Variants in ATRNL1 observed in about 807,000 individuals in gnomAD.
ATRNL1 encodes the protein attractin like 1, also known as attractin-like protein 1.
Under a neutral mutation model 182.7 loss-of-function variants are expected in ATRNL1, and 95 were observed. The ratio of observed to expected loss-of-function variants is 0.52; its 90% CI spans 0.44 to 0.62. The LOEUF is 0.62. ATRNL1 is among the 20% of genes least tolerant of loss of function. The pLI is 0.00. For synonymous variants in ATRNL1, 576 were observed against 568.3 expected, an observed-to-expected ratio of 1.01 and a Z score of -0.19; for missense variants, 1,471 against 1,679.5, an observed-to-expected ratio of 0.88 and a Z score of 2.17.
intron 1 of ATRNL1, among the ~76,000 whole-genome samples, chr10:115,107,447 T>G (rs1844062113): frequency 6.6e-6 from 1 of 152,214 alleles, no homozygotes; most frequent in African/African-American, 2.4e-5. Context: ...TGAGCATACT[T>G]GGATGAGGAT....
intron 9 of ATRNL1, among the ~76,000 whole-genome samples, chr10:115,216,299 T>G (rs1554896227): frequency 6.6e-6 from 1 of 152,192 alleles, no homozygotes; most frequent in East Asian, 1.9e-4. Flanking sequence ...TCTGAGAGTA[T>G]TTATATCCTC....
intron 4 of ATRNL1, 145 bp from the exon 5 acceptor site, chr10:115,129,182 T>C (rs1160447411): frequency 3.2e-6 from 2 of 621,418 alleles, no homozygotes; most frequent in Admixed American, 5.8e-5. Flanking sequence ...GGGTACAGAG[T>C]AAAGAATTAA....
chr10:115,690,717 C>T (rs1301504736), intron 26 of ATRNL1, among the ~76,000 whole-genome samples: 9 of 152,176 alleles, frequency 5.9e-5, no homozygotes, highest in African/African-American at 1.9e-4. Context: ...GATGCAGTCC[C>T]ATGGCAACTG....
At chr10:115,674,963 C>T (rs1007103421) in intron 26 of ATRNL1, among the ~76,000 whole-genome samples, 1 of 152,070 alleles carries the variant, frequency 6.6e-6, no homozygotes, top group African/African-American at 2.4e-5. Flanking sequence ...CATTTCTCTC[C>T]TAAAACCTTA....
chr10:115,780,743 C>T (rs1949245060), intron 27 of ATRNL1, among the ~76,000 whole-genome samples: 1 of 152,118 alleles, frequency 6.6e-6, no homozygotes, highest in Non-Finnish European at 1.5e-5. Context: ...AGGAAGGATC[C>T]AGGCCAGGCA....
At chr10:115,808,810 T>C (rs951274379) in intron 27 of ATRNL1, among the ~76,000 whole-genome samples, 13 of 152,166 alleles carry the variant, frequency 8.5e-5, no homozygotes, top group Non-Finnish European at 1.6e-4. Context: ...ACCACTGATA[T>C]AACTTTGGCG....
At chr10:115,213,329 C>T (rs1849104579) in intron 8 of ATRNL1, among the ~76,000 whole-genome samples, 1 of 152,072 alleles carries the variant, frequency 6.6e-6, no homozygotes, top group South Asian at 2.1e-4. Context: ...AAGGGGAGTG[C>T]TTTCCCTGCA....
intron 8 of ATRNL1, among the ~76,000 whole-genome samples, chr10:115,209,797 C>T (rs527252375): frequency 6.6e-5 from 10 of 152,108 alleles, no homozygotes; most frequent in African/African-American, 1.2e-4. Flanking sequence ...AGCATATATA[C>T]ATTTCCAAAT....
At chr10:115,818,608 C>T (rs1354875051) in intron 27 of ATRNL1, among the ~76,000 whole-genome samples, 2 of 152,094 alleles carry the variant, frequency 1.3e-5, no homozygotes, top group Admixed American at 6.6e-5. Flanking sequence ...TGTGCCCTTC[C>T]TAACAGTTCT....
chr10:115,351,435 T>C (rs1415031646), intron 19 of ATRNL1, among the ~76,000 whole-genome samples: 1 of 152,148 alleles, frequency 6.6e-6, no homozygotes, highest in African/African-American at 2.4e-5. Flanking sequence ...TCCCTAGTTT[T>C]TTGAGAGTTT....
intron 26 of ATRNL1, among the ~76,000 whole-genome samples, chr10:115,709,229 A>G (rs1378855407): frequency 6.6e-6 from 1 of 151,904 alleles, no homozygotes; most frequent in Non-Finnish European, 1.5e-5. Flanking sequence ...GTCAGTGAAT[A>G]TAAGGCAGTT....
chr10:115,120,449 A>G (rs377094111), intron 2 of ATRNL1, among the ~76,000 whole-genome samples, 181 bp downstream of exon 2: 16 of 152,174 alleles, frequency 1.1e-4, no homozygotes, highest in African/African-American at 3.6e-4. Context: ...CACTTGTGAC[A>G]GTAGTTTAAT....
chr10:115,690,319 T>C (rs1212368598), intron 26 of ATRNL1, among the ~76,000 whole-genome samples: 2 of 152,146 alleles, frequency 1.3e-5, no homozygotes, highest in African/African-American at 4.8e-5. Context: ...AGGATGAAAC[T>C]GTTCCACCTC....
intron 28 of ATRNL1, among the ~76,000 whole-genome samples, chr10:115,853,360 C>A (rs1349558428): frequency 6.6e-6 from 1 of 151,964 alleles, no homozygotes; most frequent in African/African-American, 2.4e-5. Flanking sequence ...TTTATAGTGC[C>A]CCTATTTTAG....
intron 25 of ATRNL1, among the ~76,000 whole-genome samples, chr10:115,535,318 T>C (rs1851907536): frequency 2.0e-5 from 3 of 152,100 alleles, no homozygotes; most frequent in Admixed American, 2.0e-4. Context: ...TTTTTATTCT[T>C]TTTTCTCTAA....
chr10:115,625,453 A>G (rs1858032753), intron 26 of ATRNL1, among the ~76,000 whole-genome samples: 1 of 152,190 alleles, frequency 6.6e-6, no homozygotes, highest in South Asian at 2.1e-4. Context: ...TTGTAGTTTT[A>G]TACCTTTTTT....
At chr10:115,511,602 TAAG>T (rs1850390501) in intron 24 of ATRNL1, among the ~76,000 whole-genome samples, 1 of 151,874 alleles carries the variant, frequency 6.6e-6, no homozygotes, top group East Asian at 1.9e-4. Flanking sequence ...TTTCATAAAA[TAAG>T]AAATTTTCTC....
chr10:115,331,065 A>AT lies in ATRNL1; in HGVS notation c.3038-3205dup, dbSNP rs60838080. Among the ~76,000 whole-genome samples, 21 of 146,274 alleles carry AT rather than the reference A, an allele frequency of 1.4e-4. No homozygotes were observed. The East Asian group carries it at 1.6e-3, about 11-fold the overall frequency. On this transcript the variant is annotated intron_variant, in intron 18 of 28. Transcript: ENST00000355044. ...TTCTGCTATTGATGCCCTTTATTGC[A>AT]TTTTTTTTTTTTGAGACGGAGTCTT...
intron 28 of ATRNL1, among the ~76,000 whole-genome samples, chr10:115,923,108 A>T (rs1277934259): frequency 6.6e-6 from 1 of 152,160 alleles, no homozygotes; most frequent in Non-Finnish European, 1.5e-5. Flanking sequence ...GCCTTAGCTG[A>T]AGGATTGCAG....
Sources: gnomAD v4.1 joint callset for allele counts (sites outside exome capture counted in the v4.1 genomes callset) on GRCh38, gnomAD v4.1.1 for gene constraint, MANE v1.5 for transcripts, NCBI Gene and HGNC (gene_info 2026-07-23, HGNC 2026-07-21) for gene names.